The following VIL1 variants were observed in gnomAD, a reference collection of about 807,000 sequenced individuals.
VIL1 encodes villin 1.
Under a neutral mutation model 104.0 loss-of-function variants are expected in VIL1, and 86 were observed. The observed-to-expected ratio is 0.83, with a 90% confidence interval of 0.69 to 0.99. The LOEUF is 0.99. VIL1 is among the 50% of genes least tolerant of loss of function. The pLI is 0.00. For synonymous variants in VIL1, 394 were observed against 412.6 expected (o/e 0.95, Z 0.55); for missense variants, 944 against 1,054.1 (o/e 0.90, Z 1.45).
At chr2:218,434,846 G>A in intron 14 of VIL1, 141 bp downstream of exon 14, 1 of 845,326 alleles carries the variant, frequency 1.2e-6, no homozygotes, top group African/African-American at 1.7e-5. Flanking sequence ...CTGGAGCCCA[G>A]TCTCTCCCTC....
chr2:218,429,153 G>C (rs1689051666), intron 6 of VIL1, 132 bp from the exon 7 acceptor site: 3 of 1,059,406 alleles, frequency 2.8e-6, no homozygotes, highest in Middle Eastern at 3.1e-4. Context: ...CTCCGACGGG[G>C]AAAAGCAGGG....
Position 218,449,227 on chromosome 2 carries a change from A to G in VIL1, c.2375A>G (p.His792Arg). The part of the protein sequence containing the change: ...EGVDPSRKEE[H>R]LSIEDFTQAF... ...CTGGTCCCTCTCTTCTTCTAGGAAC[A>G]CCTGTCCATTGAAGATTTCACTCAG... The change falls in exon 20 of 20, where the codon CAC becomes CGC. Residue 792 changes from histidine (H) to arginine (R), a missense_variant. Transcript: ENST00000248444. 1 of 1,613,194 alleles carries G rather than the reference A, an allele frequency of 6.2e-7. No homozygotes were observed. Among genetic ancestry groups the G allele is most frequent in the Non-Finnish European group, 8.5e-7 (1 of 1,179,246 alleles).
At chr2:218,443,378 A>G (rs902176252) in intron 19 of VIL1, among the ~76,000 whole-genome samples, 2 of 151,752 alleles carry the variant, frequency 1.3e-5, no homozygotes, top group Admixed American at 1.3e-4. Flanking sequence ...TAGTATTTTT[A>G]GTAGAGACGG....
At position 218,443,203 on chromosome 2, in the gene VIL1, T is replaced by TC. The variant is rs1186229569; in HGVS notation, c.2370+2341_2370+2342insC. On this transcript the variant is annotated intron_variant, in intron 19 of 19. Coordinates refer to ENST00000248444, the MANE Select transcript of VIL1 (RefSeq NM_007127.3). ...GCAGCATAAAGGAGGTATTTCTTTC[T>TC]TTTTTTTTTTTTTGAGATGGAGTCT... Among the ~76,000 whole-genome samples, 4 of 1,476 alleles carry TC rather than the reference T, an allele frequency of 2.7e-3. No homozygotes were observed. In the Non-Finnish European group the frequency reaches 0.052, roughly 19 times the overall value. 1.0% of individuals were successfully genotyped at this position (1,476 alleles called of 152,430 possible). A position where few individuals can be genotyped will look rare whatever the true frequency, so the allele number is the denominator to read the frequency against.
At position 218,431,916 on chromosome 2, in the gene VIL1, G is replaced by A. The variant is rs1310175672; in HGVS notation, c.1162G>A (p.Ala388Thr). ...CATGCATGTCAAGCCTCAGGTGGCTGCCCAGCAGAAGATGGTAGATGATGG... is the reference window on the plus strand; with the variant it reads ...CATGCATGTCAAGCCTCAGGTGGCTACCCAGCAGAAGATGGTAGATGATGG... ...TSMHVKPQVA[A>T]QQKMVDDGSG... Residue 388 changes from alanine (A) to threonine (T), a missense_variant, in exon 11 of 20, where the codon GCC (alanine) becomes ACC (threonine). Physicochemically the swap from Ala to Thr is moderately conservative, Grantham distance 58 (BLOSUM62 0). Transcript: ENST00000248444. 3.1e-6 allele frequency: 5 copies of A among 1,613,968 alleles called. No individual in the cohort carries two copies. The highest frequency in any genetic ancestry group is 4.2e-6 in the Non-Finnish European group (5 of 1,179,996).
chr2:218,430,957 C>T (rs1206328564), intron 10 of VIL1, 79 bp downstream of exon 10: 1 of 1,535,568 alleles, frequency 6.5e-7, no homozygotes, highest in Non-Finnish European at 8.8e-7. Context: ...ACCACCCACC[C>T]TCCTTCCCTG....
In VIL1 at chr2:218,432,142, C is replaced by G. The variant is rs932330328; in HGVS notation, c.1300C>G (p.Leu434Val). The G allele has an allele frequency of 2.5e-6, 4 of 1,613,932 alleles. No individual in the cohort carries two copies. In the African/African-American group the frequency reaches 4.0e-5, roughly 16 times the overall value. The stretch of plus-strand genomic sequence containing the variant: ...CTGCTACCTGCTGCTCTACACCTAC[C>G]TCATCGGCGAGAAGCAGCATTACCT... ...GDCYLLLYTYLIGEKQHYLLY... is the reference protein window; with the variant it reads ...GDCYLLLYTYVIGEKQHYLLY... Residue 434 changes from leucine (L) to valine (V), a missense_variant, in exon 12 of 20, where the codon CTC becomes GTC. Leu to Val is a conservative substitution (Grantham distance 32). Transcript: ENST00000248444.
chr2:218,437,343 C>T (rs767326164), intron 17 of VIL1, 31 bp downstream of exon 17: 1 of 1,605,106 alleles, frequency 6.2e-7, no homozygotes, highest in East Asian at 2.2e-5. Flanking sequence ...ATGTCCTTCT[C>T]TAGCCCTGCC....
intron 9 of VIL1, 71 bp downstream of exon 9, chr2:218,430,018 T>C (rs976341369): frequency 1.4e-6 from 2 of 1,392,228 alleles, no homozygotes; most frequent in African/African-American, 2.8e-5. Flanking sequence ...GATAGCAGCA[T>C]GGGGTGGGCA....
In VIL1 at chr2:218,431,848, C is replaced by T. The variant is rs773534138; in HGVS notation, c.1103-9C>T. On this transcript the variant is annotated splice_polypyrimidine_tract_variant and intron_variant, in intron 10 of 19. Transcript: ENST00000248444. ...GTGACAGTTGGTTTCATGATTTCCCCCACTCTAGCCAAAGTGGAACAGGTG... is the reference window on the plus strand; with the variant it reads ...GTGACAGTTGGTTTCATGATTTCCCTCACTCTAGCCAAAGTGGAACAGGTG... 2 of 1,610,826 alleles carry T rather than the reference C, an allele frequency of 1.2e-6. No homozygotes were observed. Among genetic ancestry groups the T allele is most frequent in the African/African-American group, 1.3e-5 (1 of 74,854 alleles).
intron 15 of VIL1, 21 bp downstream of exon 15, chr2:218,435,455 C>T (rs1689173081): frequency 6.2e-7 from 1 of 1,610,016 alleles, no homozygotes; most frequent in African/African-American, 1.3e-5. Flanking sequence ...GGTCCCTCCG[C>T]CTCCAGGTTA....
rs1159382737 is a variant in VIL1, at chr2:218,450,270, A to T, written c.*934A>T. The T allele has an allele frequency of 6.6e-6, 1 of 152,352 alleles. No individual in the cohort carries two copies. The highest frequency in any genetic ancestry group is 1.5e-5 in the Non-Finnish European group (1 of 68,044). 9.4% of individuals were successfully genotyped at this position (152,352 alleles called of 1,614,324 possible). On this transcript the variant is annotated 3_prime_UTR_variant, in exon 20 of 20. Transcript: ENST00000248444. The stretch of plus-strand genomic sequence containing the variant: ...ATCAAAGAAGGTTAATAAAGGCTTT[A>T]ATTTCATACACACAAAAAAACTCTA...
chr2:218,422,970 T>G (rs1053297204), intron 1 of VIL1, among the ~76,000 whole-genome samples: 1 of 151,900 alleles, frequency 6.6e-6, no homozygotes, highest in African/African-American at 2.4e-5. Context: ...AGGCAGAAAA[T>G]AAAGCACCCA....
At chr2:218,448,237 G>A (rs1431163277) in intron 19 of VIL1, among the ~76,000 whole-genome samples, 2 of 151,970 alleles carry the variant, frequency 1.3e-5, no homozygotes, top group African/African-American at 4.8e-5. Flanking sequence ...TCCAGCCTGT[G>A]TGACAGAGCA....
chr2:218,433,671 C>T (rs544937350), intron 13 of VIL1, among the ~76,000 whole-genome samples: 3 of 152,316 alleles, frequency 2.0e-5, no homozygotes, highest in East Asian at 1.9e-4. Flanking sequence ...CTTTGGGAGG[C>T]AGAGGTGGGT....
At chr2:218,423,058 C>A (rs1483583990) in intron 1 of VIL1, among the ~76,000 whole-genome samples, 8 of 152,210 alleles carry the variant, frequency 5.3e-5, no homozygotes, top group Non-Finnish European at 1.0e-4. Context: ...AGCTCCCCAG[C>A]TGAGGCTGAT....
Position 218,452,433 on chromosome 2 carries a change from C to T in VIL1, c.*3097C>T, listed in dbSNP as rs1384328728. The T allele has an allele frequency of 2.6e-5, 4 of 151,940 alleles. No homozygotes were observed. Among genetic ancestry groups the T allele is most frequent in the Non-Finnish European group, 5.9e-5 (4 of 67,974 alleles). 9.4% of individuals were successfully genotyped at this position (151,940 alleles called of 1,614,324 possible). A position where few individuals can be genotyped will look rare whatever the true frequency, so the allele number is the denominator to read the frequency against. ...GCCAGCTCAAAAACAACAACAAACC[C>T]CATCAACATAGTCCAGCTGAAATCT... On this transcript the variant is annotated 3_prime_UTR_variant, in exon 20 of 20. Coordinates refer to ENST00000248444, the MANE Select transcript of VIL1 (RefSeq NM_007127.3).
chr2:218,438,811 AC>A, intron 18 of VIL1, 85 bp downstream of exon 18: 2 of 1,172,238 alleles, frequency 1.7e-6, no homozygotes, highest in Non-Finnish European at 2.5e-6. Context: ...CAGAGAAGAC[AC>A]CAGAGTCCTG....
rs1174095792 is a variant in VIL1 at position 218,453,246 on chromosome 2, G to A, written c.*3910G>A. 3 of 151,270 alleles carry A rather than the reference G, an allele frequency of 2.0e-5. No individual in the cohort carries two copies. Among genetic ancestry groups the A allele is most frequent in the African/African-American group, 7.4e-5 (3 of 40,814 alleles). 9.4% of individuals were successfully genotyped at this position (151,270 alleles called of 1,614,324 possible). ...GTTGCATCTTCTGTGATGATGGTTT[G>A]TGTTTTTTTTGTTTTTGTTTTCGTT... On this transcript the variant is annotated 3_prime_UTR_variant, in exon 20 of 20. Coordinates refer to ENST00000248444, the MANE Select transcript of VIL1 (RefSeq NM_007127.3).
Sources: allele counts gnomAD v4.1 joint callset (sites outside exome capture counted in the v4.1 genomes callset), GRCh38; gene constraint gnomAD v4.1.1; transcripts MANE v1.5; gene names NCBI Gene and HGNC (gene_info 2026-07-23, HGNC 2026-07-21).